Variants in ANKRD30B observed in about 807,000 individuals in gnomAD.
ANKRD30B encodes ankyrin repeat domain 30B.
ANKRD30B carries 144 observed loss-of-function variants against 202.2 expected under a neutral mutation model. That is an observed-to-expected ratio of 0.71 (90% CI 0.62 to 0.82). ANKRD30B has a LOEUF of 0.82. Ranked by LOEUF, ANKRD30B falls within the 40% of genes least tolerant of loss-of-function variation. The probability of loss-of-function intolerance (pLI) is 0.00; values close to 1 mark genes in which losing one functional copy is unlikely to be tolerated. For missense variants in ANKRD30B, 1,487 were observed against 1,669.1 expected (o/e 0.89, Z 1.90); for synonymous variants, 508 against 561.3 (o/e 0.91, Z 1.34).
At chr18:14,928,291 A>G in the ANKRD30B span, among the ~76,000 whole-genome samples, 2 of 152,192 alleles carry the variant, frequency 1.3e-5, no homozygotes, top group Non-Finnish European at 2.9e-5. Flanking sequence ...TTTATGTGTC[A>G]GCCTCATTGG....
chr18:14,799,167 C>A, intron 21 of ANKRD30B, 38 bp downstream of exon 21: 1 of 1,590,402 alleles, frequency 6.3e-7, no homozygotes, highest in Non-Finnish European at 8.6e-7. Flanking sequence ...ATATTACCTA[C>A]ATATTTTATG....
chr18:14,807,775 A>G (rs553013551), intron 24 of ANKRD30B, among the ~76,000 whole-genome samples: 30 of 150,752 alleles, frequency 2.0e-4, no homozygotes, highest in African/African-American at 2.9e-4. Flanking sequence ...TGAGAGATCC[A>G]CCCTCTTCGG....
intron 4 of ANKRD30B, among the ~76,000 whole-genome samples, chr18:14,756,692 G>C (rs569849788): frequency 6.6e-6 from 1 of 152,296 alleles, no homozygotes; most frequent in South Asian, 2.1e-4. Flanking sequence ...CCAGGAGTTT[G>C]AGACCAGCCT....
At chr18:14,870,345 GC>G in the ANKRD30B span, among the ~76,000 whole-genome samples, 1 of 152,212 alleles carries the variant, frequency 6.6e-6, no homozygotes, top group Non-Finnish European at 1.5e-5. Flanking sequence ...TTTGCTGGGG[GC>G]CTCCCACATG....
In ANKRD30B at chr18:14,822,641, G is replaced by T. The variant is rs1219156854; in HGVS notation, c.2707G>T (p.Ala903Ser). 3 of 1,469,596 alleles carry T rather than the reference G, an allele frequency of 2.0e-6. No individual in the cohort carries two copies. Among genetic ancestry groups the T allele is most frequent in the East Asian group, 5.0e-5 (2 of 39,908 alleles). The allele number at this position is 1,469,596 out of a possible 1,614,324, so 91.0% of individuals were successfully genotyped here. The change falls in exon 32 of 44, where the codon GCC becomes TCC. Residue 903 changes from alanine (A) to serine (S), a missense_variant. Coordinates refer to ENST00000690538, the MANE Select transcript of ANKRD30B (RefSeq NM_001367607.2). ...CGMKISLPNK[A>S]LELKDRETFK... Reference sequence around the variant, plus strand: ...AATGAAAATTTCTCTTCCAAATAAAGCCTTAGAATTGAAGGACAGAGAAAC... The same window carrying T: ...AATGAAAATTTCTCTTCCAAATAAATCCTTAGAATTGAAGGACAGAGAAAC...
At chr18:14,832,481 G>T (rs1438050002) in intron 34 of ANKRD30B, among the ~76,000 whole-genome samples, 1 of 152,058 alleles carries the variant, frequency 6.6e-6, no homozygotes, top group East Asian at 1.9e-4. Flanking sequence ...TTAAATTTCA[G>T]AAGATTTTGT....
chr18:14,865,537 CT>C, the ANKRD30B span, among the ~76,000 whole-genome samples: 1 of 151,682 alleles, frequency 6.6e-6, no homozygotes, highest in Non-Finnish European at 1.5e-5. Flanking sequence ...TACCCAAAAA[CT>C]TTTTCACTAC....
chr18:14,925,639 C>T, the ANKRD30B span, among the ~76,000 whole-genome samples: 1 of 152,202 alleles, frequency 6.6e-6, no homozygotes, highest in Non-Finnish European at 1.5e-5. Flanking sequence ...TCGGCCCTGG[C>T]CTGGCTGTCA....
chr18:14,806,535 C>T (rs1375160952), intron 24 of ANKRD30B, among the ~76,000 whole-genome samples: 7 of 150,422 alleles, frequency 4.7e-5, no homozygotes, highest in South Asian at 2.1e-4. Flanking sequence ...AAAAAAATAA[C>T]GAAGGTAGTA....
At chr18:14,934,756 A>G in the ANKRD30B span, among the ~76,000 whole-genome samples, 1 of 152,182 alleles carries the variant, frequency 6.6e-6, no homozygotes. Flanking sequence ...AAGAGCAGCC[A>G]GAACTGCTGA....
At chr18:14,849,007 C>A in intron 40 of ANKRD30B, 78 bp downstream of exon 40, 1 of 1,348,732 alleles carries the variant, frequency 7.4e-7, no homozygotes, top group South Asian at 2.2e-5. Flanking sequence ...TAAAAGCTGA[C>A]TTACCTTCTG....
At chr18:14,925,561 A>G in the ANKRD30B span, among the ~76,000 whole-genome samples, 3 of 152,212 alleles carry the variant, frequency 2.0e-5, no homozygotes, top group Admixed American at 2.0e-4. Context: ...ATTTTGCCAG[A>G]TGGTAGCAGG....
At chr18:14,807,363 T>A (rs1360736309) in intron 24 of ANKRD30B, among the ~76,000 whole-genome samples, 2 of 150,962 alleles carry the variant, frequency 1.3e-5, no homozygotes, top group Non-Finnish European at 3.0e-5. Flanking sequence ...ACTCGCATGG[T>A]ATAACAAATA....
At position 14,799,322 on chromosome 18, in the gene ANKRD30B, C is replaced by T. The variant is rs981614443; in HGVS notation, c.2131+27C>T. ...TAAATTTTGCAATTTTAATTTTACT[C>T]TGGAATTAAGAATATTAAACTATTT... On this transcript the variant is annotated intron_variant, in intron 22 of 43. Transcript: ENST00000690538. The T allele has an allele frequency of 5.4e-6, 8 of 1,489,778 alleles. No homozygotes were observed. The African/African-American group carries it at 8.5e-5, about 16-fold the overall frequency. 92.3% of individuals were successfully genotyped at this position (1,489,778 alleles called of 1,614,324 possible). A position where few individuals can be genotyped will look rare whatever the true frequency, so the allele number is the denominator to read the frequency against.
chr18:14,903,419 A>G, the ANKRD30B span, among the ~76,000 whole-genome samples: 1 of 152,186 alleles, frequency 6.6e-6, no homozygotes, highest in Non-Finnish European at 1.5e-5. Flanking sequence ...AAGAGAATAA[A>G]TAGATCAGGG....
chr18:14,919,386 A>G, the ANKRD30B span, among the ~76,000 whole-genome samples: 1 of 152,168 alleles, frequency 6.6e-6, no homozygotes, highest in Admixed American at 6.5e-5. Flanking sequence ...AAGAACCAGT[A>G]CCTTGGGGCC....
At position 14,780,014 on chromosome 18, in the gene ANKRD30B, A is replaced by G. The variant is rs754476743; in HGVS notation, c.1475A>G (p.Asp492Gly). ...KREEDEEYSW[D>G]SGSLFESSAK... is the part of the protein sequence containing the mutation. ...GAGGAAGATGAAGAATATTCTTGGG[A>G]TTCTGGGGTATTGTGTATTATTGCT... The change falls in exon 11 of 44, where the codon GAT becomes GGT. Residue 492 changes from aspartate (D) to glycine (G), a missense_variant. This residue lies in a region of ANKRD30B where 889 missense variants were observed against 841.4 expected (regional missense o/e 1.06). Coordinates refer to ENST00000690538, the MANE Select transcript of ANKRD30B (RefSeq NM_001367607.2). 13 of 1,603,298 alleles carry G rather than the reference A, an allele frequency of 8.1e-6. 1 individual carries two copies. The Admixed American group carries it at 2.2e-4, about 27-fold the overall frequency.
At chr18:14,875,706 G>A in the ANKRD30B span, among the ~76,000 whole-genome samples, 1 of 152,172 alleles carries the variant, frequency 6.6e-6, no homozygotes. Context: ...GTATGACCTT[G>A]TTGGTTCGTT....
intron 32 of ANKRD30B, among the ~76,000 whole-genome samples, chr18:14,826,875 G>A (rs1568053085): frequency 1.3e-5 from 2 of 151,948 alleles, no homozygotes; most frequent in Non-Finnish European, 2.9e-5. Context: ...TCATAAATTA[G>A]GCACAGTGAG....
Sources: gnomAD v4.1 joint callset for allele counts (sites outside exome capture counted in the v4.1 genomes callset) on GRCh38, gnomAD v4.1.1 for gene constraint, gnomAD v4.1.1 regional missense constraint, MANE v1.5 for transcripts, NCBI Gene and HGNC (gene_info 2026-07-23, HGNC 2026-07-21) for gene names.